CPNE4: variants seen among roughly 807,000 people sequenced by gnomAD.
The protein encoded by CPNE4 is copine 4.
In CPNE4, 25 loss-of-function variants were observed where a neutral mutation model predicts 67.9. The observed-to-expected ratio is 0.37, with a 90% CI of 0.27 to 0.51. The LOEUF (loss-of-function observed/expected upper bound fraction) is 0.51, where lower values mean the gene tolerates loss of function less well. CPNE4 is among the 20% of genes least tolerant of loss of function. CPNE4 has a pLI of 0.93. For missense variants in CPNE4, 464 were observed against 690.8 expected (o/e 0.67, Z 3.68); for synonymous variants, 242 against 244.9 (o/e 0.99, Z 0.11).
At chr3:131,849,937 G>A (rs1190504295) in intron 2 of CPNE4, among the ~76,000 whole-genome samples, 1 of 152,136 alleles carries the variant, frequency 6.6e-6, no homozygotes, top group Admixed American at 6.6e-5. Flanking sequence ...AATTGACACA[G>A]TACTAAACCC....
chr3:131,690,736 A>T (rs1319583861), intron 5 of CPNE4, among the ~76,000 whole-genome samples: 3 of 151,984 alleles, frequency 2.0e-5, no homozygotes, highest in Non-Finnish European at 4.4e-5. Flanking sequence ...ACAGTTAAAA[A>T]AAAAACTATT....
intron 1 of CPNE4, among the ~76,000 whole-genome samples, chr3:131,963,738 C>T (rs747459411): frequency 1.3e-5 from 2 of 152,320 alleles, no homozygotes; most frequent in South Asian, 2.1e-4. Context: ...GCTCCAGTCA[C>T]GGGCTTATAG....
rs1470885505 is a variant in CPNE4 at position 131,535,306 on chromosome 3, C to T, written c.1563G>A (p.Lys521=). The change falls in exon 16 of 16, where the codon AAG becomes AAA. Residue 521 remains lysine, a synonymous_variant. Transcript: ENST00000429747. The part of the protein sequence containing the change: ...FKHASPAALA[K]SVLAEVPNQV... ...GGTTTGGGACTTCAGCCAGCACGCTCTTTGCCAGGGCAGCTGGAGATGCCT... is the reference window on the plus strand; with the variant it reads ...GGTTTGGGACTTCAGCCAGCACGCTTTTTGCCAGGGCAGCTGGAGATGCCT... The T allele has an allele frequency of 6.2e-7, 1 of 1,613,560 alleles. No homozygotes were observed. Among genetic ancestry groups the T allele is most frequent in the Non-Finnish European group, 8.5e-7 (1 of 1,179,902 alleles).
intron 7 of CPNE4, among the ~76,000 whole-genome samples, chr3:131,619,250 GA>G (rs1397134869): frequency 1.3e-5 from 2 of 152,302 alleles, no homozygotes; most frequent in Non-Finnish European, 2.9e-5. Flanking sequence ...TTGTGAATGA[GA>G]GGAAGCTGTG....
chr3:131,932,898 G>C (rs2071112458), intron 1 of CPNE4, among the ~76,000 whole-genome samples: 1 of 152,180 alleles, frequency 6.6e-6, no homozygotes, highest in Non-Finnish European at 1.5e-5. Context: ...GTGGGTGCCT[G>C]TAATCCCACC....
upstream of CPNE4, among the ~76,000 whole-genome samples, chr3:132,037,093 A>T (rs1404133066): frequency 6.6e-6 from 1 of 152,240 alleles, no homozygotes; most frequent in East Asian, 1.9e-4. Flanking sequence ...GAACACATGG[A>T]CCATAGAAAA....
intron 2 of CPNE4, among the ~76,000 whole-genome samples, chr3:131,799,920 TG>T (rs1560339356): frequency 7.0e-3 from 15 of 2,158 alleles, no homozygotes; most frequent in Non-Finnish European, 0.032. Context: ...GTGTGTGTGT[TG>T]TGTGTGTGTG....
chr3:131,947,158 T>C (rs1361429955), intron 1 of CPNE4, among the ~76,000 whole-genome samples: 2 of 152,212 alleles, frequency 1.3e-5, no homozygotes, highest in Non-Finnish European at 2.9e-5. Context: ...CTCAGGTTGT[T>C]TTGGCTATTT....
At chr3:131,725,057 T>G (rs921874810) in intron 2 of CPNE4, among the ~76,000 whole-genome samples, 1 of 152,218 alleles carries the variant, frequency 6.6e-6, no homozygotes, top group African/African-American at 2.4e-5. Context: ...AATAGAAATA[T>G]GGTTTATTGG....
intron 7 of CPNE4, among the ~76,000 whole-genome samples, chr3:131,616,649 G>A (rs1582898034): frequency 6.6e-6 from 1 of 152,156 alleles, no homozygotes; most frequent in Admixed American, 6.5e-5. Context: ...AAGGTTTTCT[G>A]TGTGCTGAAT....
chr3:131,536,822 G>A (rs1301502306), intron 15 of CPNE4, among the ~76,000 whole-genome samples: 1 of 152,102 alleles, frequency 6.6e-6, no homozygotes, highest in East Asian at 1.9e-4. Flanking sequence ...TGTATACTGG[G>A]GCAGATACAA....
chr3:131,801,421 T>TAA (rs2084116240), intron 2 of CPNE4, among the ~76,000 whole-genome samples: 1 of 42,870 alleles, frequency 2.3e-5, no homozygotes, highest in Non-Finnish European at 4.9e-5. Context: ...TATACGTGTG[T>TAA]GTGTGTGTGT....
intron 7 of CPNE4, among the ~76,000 whole-genome samples, chr3:131,658,969 T>C (rs1239440428): frequency 6.6e-6 from 1 of 152,182 alleles, no homozygotes. Context: ...TGAAAAGGCA[T>C]CTTGGGATGT....
intron 7 of CPNE4, among the ~76,000 whole-genome samples, chr3:131,647,055 A>G (rs2079686032): frequency 1.3e-5 from 2 of 152,226 alleles, no homozygotes; most frequent in Admixed American, 1.3e-4. Flanking sequence ...GTTACTGTGC[A>G]GATTCAGAGG....
chr3:131,634,477 G>A lies in CPNE4; in HGVS notation c.681+35198C>T, dbSNP rs190896856. ...ATCCAATTCTGCAGAACATCAGCCA[G>A]CAAAATAATTCTAGAGACAATTAAA... On this transcript the variant is annotated intron_variant, in intron 7 of 15. Transcript: ENST00000429747. 2.4e-3 allele frequency among the ~76,000 whole-genome samples: 370 copies of A among 152,236 alleles called. 1 individual carries two copies. Among genetic ancestry groups the A allele is most frequent in the Non-Finnish European group, 4.4e-3 (299 of 67,980 alleles).
At position 131,780,683 on chromosome 3, in the gene CPNE4, G is replaced by A. The variant is rs550523199; in HGVS notation, c.181-57058C>T. Among the ~76,000 whole-genome samples the A allele has an allele frequency of 1.2e-4, 19 of 152,204 alleles. No homozygotes were observed. In the South Asian group the frequency reaches 3.7e-3, roughly 30 times the overall value. The stretch of plus-strand genomic sequence containing the variant: ...GGGCTTATTTGAGAGTGGAGGGTGG[G>A]AGGAAGATGAGGATTGAAAACTACC... On this transcript the variant is annotated intron_variant, in intron 2 of 15. Coordinates refer to ENST00000429747, the MANE Select transcript of CPNE4 (RefSeq NM_130808.3).
intron 1 of CPNE4, among the ~76,000 whole-genome samples, chr3:131,939,469 G>A (rs1417702035): frequency 1.1e-4 from 16 of 152,158 alleles, no homozygotes; most frequent in Non-Finnish European, 8.8e-5. Context: ...GAAGTTTTAA[G>A]AAACTATTAA....
intron 6 of CPNE4, among the ~76,000 whole-genome samples, chr3:131,682,738 A>T (rs962076534): frequency 6.6e-6 from 1 of 152,068 alleles, no homozygotes; most frequent in Non-Finnish European, 1.5e-5. Flanking sequence ...AGTTCCTCCC[A>T]GTCCCAGGCA....
chr3:131,953,258 A>T (rs9880457), intron 1 of CPNE4, among the ~76,000 whole-genome samples: 23 of 136,178 alleles, frequency 1.7e-4, no homozygotes, highest in South Asian at 4.7e-4. Flanking sequence ...AAAAAAAAAA[A>T]AAAAAAAAGA....
Sources: allele counts gnomAD v4.1 joint callset (sites outside exome capture counted in the v4.1 genomes callset), GRCh38; gene constraint gnomAD v4.1.1; transcripts MANE v1.5; gene names NCBI Gene and HGNC (gene_info 2026-07-23, HGNC 2026-07-21).